Variants in KCNJ6 observed in about 807,000 individuals in gnomAD.
KCNJ6 encodes G protein-activated inward rectifier potassium channel 2.
A neutral mutation model predicts 34.2 loss-of-function variants in KCNJ6; 9 were observed. The observed-to-expected ratio is 0.26, with a 90% CI of 0.16 to 0.46. The LOEUF (loss-of-function observed/expected upper bound fraction) is 0.46, where lower values mean the gene tolerates loss of function less well. Among genes scored for constraint, KCNJ6 ranks in the 20% least tolerant of loss-of-function variants. The pLI, the probability that KCNJ6 is intolerant of heterozygous loss-of-function variation, is 1.00. For synonymous variants in KCNJ6, 196 were observed against 207.1 expected (o/e 0.95, Z 0.46); for missense variants, 236 against 531.3 (o/e 0.44, Z 5.46).
At chr21:37,708,520 G>A (rs754305755) in intron 3 of KCNJ6, among the ~76,000 whole-genome samples, 1 of 152,150 alleles carries the variant, frequency 6.6e-6, no homozygotes, top group African/African-American at 2.4e-5. Context: ...AGAAAGGAGA[G>A]CTGGATTTCT....
intron 2 of KCNJ6, among the ~76,000 whole-genome samples, chr21:37,795,217 A>C (rs1459477701): frequency 1.3e-5 from 2 of 152,264 alleles, no homozygotes; most frequent in Non-Finnish European, 2.9e-5. Flanking sequence ...TAATGAAATG[A>C]AACCAAATTG....
intron 3 of KCNJ6, among the ~76,000 whole-genome samples, chr21:37,700,276 A>T (rs2054684106): frequency 6.6e-6 from 1 of 152,114 alleles, no homozygotes; most frequent in African/African-American, 2.4e-5. Context: ...TGTGGGCAGG[A>T]GTTATTGGAA....
At position 37,615,231 on chromosome 21, in the gene KCNJ6, C is replaced by T. The variant is rs1403805290; in HGVS notation, c.*9928G>A. 7.1e-6 allele frequency: 1 copy of T among 140,870 alleles called. No individual in the cohort carries two copies. Among genetic ancestry groups the T allele is most frequent in the East Asian group, 2.1e-4 (1 of 4,694 alleles). 8.7% of individuals were successfully genotyped at this position (140,870 alleles called of 1,614,324 possible). On this transcript the variant is annotated 3_prime_UTR_variant, in exon 4 of 4. Coordinates refer to ENST00000609713, the MANE Select transcript of KCNJ6 (RefSeq NM_002240.5). ...TTTCTGAAATCAGACCCTCGACTGA[C>T]ATTCCCAGCATTCTTTTTTTTTTTT...
chr21:37,837,421 T>C (rs1365095943), intron 2 of KCNJ6, among the ~76,000 whole-genome samples: 1 of 152,180 alleles, frequency 6.6e-6, no homozygotes, highest in Non-Finnish European at 1.5e-5. Flanking sequence ...AGTTGACTTT[T>C]TGGAGGTGGT....
At chr21:37,821,339 T>C (rs1162195530) in intron 2 of KCNJ6, among the ~76,000 whole-genome samples, 3 of 152,196 alleles carry the variant, frequency 2.0e-5, no homozygotes, top group Non-Finnish European at 1.5e-5. Context: ...AATCCTGTAC[T>C]CACTTAGCAA....
At chr21:37,715,279 C>G in intron 2 of KCNJ6, 148 bp from the exon 3 acceptor site, 3 of 688,178 alleles carry the variant, frequency 4.4e-6, no homozygotes, top group Non-Finnish European at 7.2e-6. Flanking sequence ...TTATTCCACA[C>G]CATCTGGATA....
rs2054658951 is a variant in KCNJ6, at chr21:37,695,268, C to A, written c.946+18943G>T. On this transcript the variant is annotated intron_variant, in intron 3 of 3. Transcript: ENST00000609713. The surrounding 1 kb of genome is among the most constrained non-coding windows in gnomAD (Gnocchi z 4.2). ...TTACAGAACTTAACAGTGTCCATCC[C>A]ATAAAAGGAAATCAATGGCTAAGCA... is the stretch of plus-strand genomic sequence containing the variant. 6.6e-6 allele frequency among the ~76,000 whole-genome samples: 1 copy of A among 152,138 alleles called. No homozygotes were observed. Among genetic ancestry groups the A allele is most frequent in the Non-Finnish European group, 1.5e-5 (1 of 68,030 alleles).
intron 1 of KCNJ6, among the ~76,000 whole-genome samples, chr21:37,849,327 G>C (rs1271928105): frequency 1.3e-5 from 2 of 152,154 alleles, no homozygotes; most frequent in Non-Finnish European, 2.9e-5. Flanking sequence ...CTCTCTGGGG[G>C]CTCTTATACC....
intron 1 of KCNJ6, among the ~76,000 whole-genome samples, chr21:37,906,494 G>T (rs886731340): frequency 2.0e-5 from 3 of 152,214 alleles, no homozygotes; most frequent in African/African-American, 7.2e-5. Context: ...TCCCTGGAGG[G>T]GATGGGCAGA....
At chr21:37,767,612 G>T (rs2055097845) in intron 2 of KCNJ6, among the ~76,000 whole-genome samples, 2 of 152,198 alleles carry the variant, frequency 1.3e-5, no homozygotes, top group African/African-American at 2.4e-5. Flanking sequence ...CAATACTGCG[G>T]AAGCTGAGAA....
intron 2 of KCNJ6, among the ~76,000 whole-genome samples, chr21:37,809,383 G>T (rs985921731): frequency 1.2e-4 from 18 of 151,996 alleles, no homozygotes; most frequent in Non-Finnish European, 2.5e-4. Context: ...TGTGGGGTGG[G>T]GAGAGGGGGG....
chr21:37,645,022 T>TTG (rs2054397651), intron 3 of KCNJ6, among the ~76,000 whole-genome samples: 13 of 60,164 alleles, frequency 2.2e-4, no homozygotes, highest in South Asian at 8.9e-4. Context: ...GGTGGGTTTT[T>TTG]TTTTTTTTTT....
intron 1 of KCNJ6, among the ~76,000 whole-genome samples, chr21:37,864,391 G>A (rs2055611455): frequency 6.6e-6 from 1 of 152,178 alleles, no homozygotes; most frequent in Non-Finnish European, 1.5e-5. Flanking sequence ...GATTACAGGT[G>A]TGAGCCACCA....
intron 1 of KCNJ6, among the ~76,000 whole-genome samples, chr21:37,853,853 T>TATATATATATATACAC (rs58043642): frequency 2.3e-4 from 33 of 142,278 alleles, no homozygotes; most frequent in African/African-American, 6.4e-4. Flanking sequence ...TATGTATATA[T>TATATATATATATACAC]ATATATATAA....
At chr21:37,822,059 C>T (rs73411878) in intron 2 of KCNJ6, among the ~76,000 whole-genome samples, 3,633 of 152,274 alleles carry the variant, frequency 0.024, 145 homozygotes, top group African/African-American at 0.082. Flanking sequence ...AAGTATTTCT[C>T]ACACTGCTTC....
chr21:37,701,792 T>C (rs576960398), intron 3 of KCNJ6, among the ~76,000 whole-genome samples: 3 of 152,106 alleles, frequency 2.0e-5, no homozygotes, highest in African/African-American at 4.8e-5. Flanking sequence ...AACATGTCAG[T>C]TGGGAAGAGG....
chr21:37,622,924 T>A lies in KCNJ6; in HGVS notation c.*2235A>T, dbSNP rs1414787732. ...CCTGCCATGGCCTGCCCTGCGACCC[T>A]GGCAAGGTTGCAGGGGAGCTCCCCA... is the stretch of plus-strand genomic sequence containing the variant. On this transcript the variant is annotated 3_prime_UTR_variant, in exon 4 of 4. Coordinates refer to ENST00000609713, the MANE Select transcript of KCNJ6 (RefSeq NM_002240.5). The A allele has an allele frequency of 1.3e-5, 2 of 152,254 alleles. No individual in the cohort carries two copies. The highest frequency in any genetic ancestry group is 2.4e-5 in the African/African-American group (1 of 41,466). The allele number at this position is 152,254 out of a possible 1,614,324, so 9.4% of individuals were successfully genotyped here. A position where few individuals can be genotyped will look rare whatever the true frequency, so the allele number is the denominator to read the frequency against.
intron 3 of KCNJ6, among the ~76,000 whole-genome samples, chr21:37,631,223 T>C (rs1787331): frequency 6.6e-6 from 1 of 151,888 alleles, no homozygotes; most frequent in Non-Finnish European, 1.5e-5. Flanking sequence ...TAGAGAACCA[T>C]ACAGAAACAG....
At chr21:37,660,076 T>A (rs1268289994) in intron 3 of KCNJ6, among the ~76,000 whole-genome samples, 1 of 152,210 alleles carries the variant, frequency 6.6e-6, no homozygotes, top group African/African-American at 2.4e-5. Context: ...GCTAACCCCA[T>A]GACCTCAGGT....
Sources: gnomAD v4.1 joint callset for allele counts (sites outside exome capture counted in the v4.1 genomes callset) on GRCh38, gnomAD v4.1.1 for gene constraint, Gnocchi (gnomAD v3.1) non-coding constraint, MANE v1.5 for transcripts, NCBI Gene and HGNC (gene_info 2026-07-23, HGNC 2026-07-21) for gene names.